Variants in UBR1 observed in about 807,000 individuals in gnomAD.
UBR1 encodes the protein ubiquitin protein ligase E3 component n-recognin 1.
Under a neutral mutation model 242.1 loss-of-function variants are expected in UBR1, and 102 were observed. The observed-to-expected ratio is 0.42, with a 90% confidence interval of 0.36 to 0.50. UBR1 has a LOEUF of 0.50. Among genes scored for constraint, UBR1 ranks in the 20% least tolerant of loss-of-function variants. The pLI is 0.01. For missense variants in UBR1, 1,772 were observed against 2,101.8 expected, an observed-to-expected ratio of 0.84 and a Z score of 3.07; for synonymous variants, 675 against 684.8, an observed-to-expected ratio of 0.99 and a Z score of 0.22.
intron 36 of UBR1, among the ~76,000 whole-genome samples, chr15:42,984,285 A>C (rs1596085427): frequency 6.6e-6 from 1 of 152,230 alleles, no homozygotes; most frequent in East Asian, 1.9e-4. Context: ...TGTGTACCAC[A>C]AGTCTTCTAG....
intron 35 of UBR1, among the ~76,000 whole-genome samples, chr15:42,986,416 T>C (rs2032460301): frequency 6.6e-6 from 1 of 152,192 alleles, no homozygotes; most frequent in African/African-American, 2.4e-5. Context: ...GAATTTCCTA[T>C]CTCCTTTATA....
At chr15:42,977,335 C>T (rs1441937015) in intron 38 of UBR1, among the ~76,000 whole-genome samples, 1 of 152,228 alleles carries the variant, frequency 6.6e-6, no homozygotes, top group East Asian at 1.9e-4. Flanking sequence ...GTTGGCTACC[C>T]CTGCATCCAT....
At chr15:43,055,084 C>T (rs1006165773) in intron 11 of UBR1, among the ~76,000 whole-genome samples, 185 bp from the exon 12 acceptor site, 3 of 152,082 alleles carry the variant, frequency 2.0e-5, no homozygotes, top group Non-Finnish European at 4.4e-5. Flanking sequence ...GAAAAAATTC[C>T]CTACTCCTCA....
At chr15:43,081,717 T>C (rs2033976951) in intron 3 of UBR1, among the ~76,000 whole-genome samples, 2 of 152,120 alleles carry the variant, frequency 1.3e-5, no homozygotes, top group Non-Finnish European at 2.9e-5. Context: ...GCACTGGCCT[T>C]TTTTTAAGAT....
At chr15:43,101,479 C>T (rs1008650724) in intron 1 of UBR1, among the ~76,000 whole-genome samples, 2 of 152,146 alleles carry the variant, frequency 1.3e-5, no homozygotes, top group African/African-American at 4.8e-5. Flanking sequence ...GACAACAAAA[C>T]TCTTGATCTG....
At chr15:43,075,909 C>T (rs574703734) in intron 3 of UBR1, among the ~76,000 whole-genome samples, 2 of 151,604 alleles carry the variant, frequency 1.3e-5, no homozygotes, top group African/African-American at 4.8e-5. Flanking sequence ...GCCACCATGC[C>T]CAACCTGATA....
intron 44 of UBR1, among the ~76,000 whole-genome samples, chr15:42,953,907 G>A (rs1179158443): frequency 6.8e-6 from 1 of 146,448 alleles, no homozygotes; most frequent in Admixed American, 6.8e-5. Context: ...TTTTGAGACA[G>A]GGTCTGGCTC....
At position 43,041,897 on chromosome 15, in the gene UBR1, T is replaced by C. The variant is rs1484514196; in HGVS notation, c.1849+1318A>G. On this transcript the variant is annotated intron_variant, in intron 15 of 46. Transcript: ENST00000290650. ...AATAGACAGTTCTCCAAGGAAGATA[T>C]ACAAATGGCCAACAAACATTTGAAA... Among the ~76,000 whole-genome samples the C allele has an allele frequency of 3.9e-5, 6 of 152,260 alleles. No homozygotes were observed. The South Asian group carries it at 1.0e-3, about 26-fold the overall frequency.
At chr15:43,067,776 T>G in intron 6 of UBR1, 122 bp downstream of exon 6, 1 of 1,070,626 alleles carries the variant, frequency 9.3e-7, no homozygotes, top group Non-Finnish European at 1.4e-6. Context: ...TTACCTAGGA[T>G]GTAAGGAATA....
chr15:42,968,035 C>T (rs919832218), intron 40 of UBR1, among the ~76,000 whole-genome samples: 10 of 151,672 alleles, frequency 6.6e-5, no homozygotes, highest in Admixed American at 5.9e-4. Context: ...AATACAAATG[C>T]CAATGTATTT....
At chr15:43,005,283 G>C (rs1291608356) in intron 30 of UBR1, among the ~76,000 whole-genome samples, 1 of 151,550 alleles carries the variant, frequency 6.6e-6, no homozygotes, top group Non-Finnish European at 1.5e-5. Flanking sequence ...CCTTCCGGGA[G>C]GGAGGTGGGG....
intron 43 of UBR1, 90 bp from the exon 44 acceptor site, chr15:42,958,180 T>C (rs961229005): frequency 1.2e-6 from 1 of 853,396 alleles, no homozygotes; most frequent in Non-Finnish European, 1.9e-6. Flanking sequence ...GTCTTAAAAA[T>C]AACAAAAGGA....
intron 32 of UBR1, 128 bp downstream of exon 32, chr15:43,002,427 C>G: frequency 9.4e-7 from 1 of 1,069,052 alleles, no homozygotes; most frequent in South Asian, 1.4e-5. Flanking sequence ...TACCATGTTA[C>G]CCAGGCTGGT....
intron 3 of UBR1, among the ~76,000 whole-genome samples, chr15:43,080,359 C>T (rs1596135243): frequency 6.6e-6 from 1 of 152,260 alleles, no homozygotes; most frequent in Admixed American, 6.5e-5. Flanking sequence ...GTTTATCATT[C>T]CCTTCCACCA....
chr15:43,101,883 G>A (rs1246903888), intron 1 of UBR1, among the ~76,000 whole-genome samples: 4 of 145,734 alleles, frequency 2.7e-5, no homozygotes, highest in Admixed American at 7.4e-5. Flanking sequence ...CAGGAGAATC[G>A]CTTGAACCCG....
chr15:42,976,368 A>G (rs1310848435), intron 39 of UBR1, among the ~76,000 whole-genome samples: 4 of 152,206 alleles, frequency 2.6e-5, no homozygotes, highest in Admixed American at 2.6e-4. Context: ...TTCTAGCTGA[A>G]GGAATTAAGA....
chr15:43,010,321 T>C lies in UBR1; in HGVS notation c.3210-3037A>G, dbSNP rs548647328. 2.6e-5 allele frequency among the ~76,000 whole-genome samples: 4 copies of C among 151,218 alleles called. No individual in the cohort carries two copies. In the South Asian group the frequency reaches 8.3e-4, roughly 32 times the overall value. ...AGTCCCACAATTCACAGGACAGTACTACATGAAAAAAAAAAAAGCTGCCTA... is the reference window on the plus strand; with the variant it reads ...AGTCCCACAATTCACAGGACAGTACCACATGAAAAAAAAAAAAGCTGCCTA... On this transcript the variant is annotated intron_variant, in intron 29 of 46. Transcript: ENST00000290650.
intron 41 of UBR1, among the ~76,000 whole-genome samples, chr15:42,964,260 G>A (rs1447647977): frequency 1.3e-5 from 2 of 151,806 alleles, no homozygotes; most frequent in East Asian, 1.9e-4. Context: ...ACCTGAGGTC[G>A]GGAGTTCAAG....
chr15:43,019,537 TAATGAATGC>T (rs1346900871), intron 27 of UBR1, among the ~76,000 whole-genome samples: 1 of 151,780 alleles, frequency 6.6e-6, no homozygotes, highest in African/African-American at 2.4e-5. Context: ...CAGAATATCT[TAATGAATGC>T]AATGAGTGCA....
Sources: allele counts gnomAD v4.1 joint callset (sites outside exome capture counted in the v4.1 genomes callset), GRCh38; gene constraint gnomAD v4.1.1; transcripts MANE v1.5; gene names NCBI Gene and HGNC (gene_info 2026-07-23, HGNC 2026-07-21).